KCNQ5: variants seen among roughly 807,000 people sequenced by gnomAD.
KCNQ5 encodes the protein potassium voltage-gated channel subfamily KQT member 5.
In KCNQ5, 30 loss-of-function variants were observed where a neutral mutation model predicts 98.2. The ratio of observed to expected loss-of-function variants is 0.31; its 90% CI spans 0.23 to 0.41. The LOEUF (loss-of-function observed/expected upper bound fraction) is 0.41. Among genes scored for constraint, KCNQ5 ranks in the 10% least tolerant of loss-of-function variants. KCNQ5 has a pLI of 1.00. For synonymous variants in KCNQ5, 458 were observed against 449.4 expected (o/e 1.02, Z -0.24); for missense variants, 835 against 1,182.5 (o/e 0.71, Z 4.31).
intron 1 of KCNQ5, chr6:72,986,658 A>G: frequency 1.2e-6 from 1 of 808,806 alleles, no homozygotes; most frequent in Non-Finnish European, 2.1e-6. Flanking sequence ...AATCCCAGGA[A>G]GCAGGTGCTT....
intron 1 of KCNQ5, among the ~76,000 whole-genome samples, chr6:72,741,586 C>A (rs1771132581): frequency 6.6e-6 from 1 of 152,090 alleles, no homozygotes; most frequent in South Asian, 2.1e-4. Context: ...TATTCAGGTG[C>A]TTCTGGTCCA....
At chr6:72,981,254 G>A (rs557499266) in intron 1 of KCNQ5, among the ~76,000 whole-genome samples, 20 of 152,130 alleles carry the variant, frequency 1.3e-4, no homozygotes, top group East Asian at 9.7e-4. Flanking sequence ...TCTTTGTACC[G>A]CTGGTAGAAT....
At chr6:72,857,958 A>C (rs1225986150) in intron 1 of KCNQ5, among the ~76,000 whole-genome samples, 1 of 152,240 alleles carries the variant, frequency 6.6e-6, no homozygotes, top group African/African-American at 2.4e-5. Context: ...CAAAATGCAC[A>C]AATAACTCTG....
intron 1 of KCNQ5, among the ~76,000 whole-genome samples, chr6:72,713,946 C>T (rs561237859): frequency 6.6e-6 from 1 of 152,268 alleles, no homozygotes; most frequent in African/African-American, 2.4e-5. Flanking sequence ...CACTTCCATC[C>T]GGAGTTATGC....
chr6:72,767,326 C>T (rs1207059866), intron 1 of KCNQ5, among the ~76,000 whole-genome samples: 1 of 151,844 alleles, frequency 6.6e-6, no homozygotes, highest in Non-Finnish European at 1.5e-5. Context: ...ACATTATACA[C>T]AAAAATTAAG....
At chr6:72,642,659 G>A (rs1299484017) in intron 1 of KCNQ5, among the ~76,000 whole-genome samples, 2 of 152,158 alleles carry the variant, frequency 1.3e-5, no homozygotes, top group Admixed American at 6.5e-5. Context: ...ACCTGTTGGT[G>A]GGAGTGTAAA....
At chr6:72,779,131 T>C (rs943997926) in intron 1 of KCNQ5, among the ~76,000 whole-genome samples, 1 of 152,080 alleles carries the variant, frequency 6.6e-6, no homozygotes, top group Non-Finnish European at 1.5e-5. Flanking sequence ...TGGGAGACTC[T>C]TGATCTTGTC....
chr6:73,151,822 C>A (rs1777162937), intron 10 of KCNQ5, among the ~76,000 whole-genome samples: 1 of 152,112 alleles, frequency 6.6e-6, no homozygotes, highest in African/African-American at 2.4e-5. Flanking sequence ...TTTTGTCTTT[C>A]TTGATTCACT....
At position 73,164,289 on chromosome 6, in the gene KCNQ5, G is replaced by GA. The variant is rs202077330; in HGVS notation, c.1469-5448dup. On this transcript the variant is annotated intron_variant, in intron 10 of 13. Coordinates refer to ENST00000370398, the MANE Select transcript of KCNQ5 (RefSeq NM_019842.4). ...GCTCATTTTTGTAGCTTTGAAGCAA[G>GA]AAAAAAAAATTCCCTAATTCACTCC... 2.1e-3 allele frequency among the ~76,000 whole-genome samples: 315 copies of GA among 151,308 alleles called. 2 individuals carry two copies. The highest frequency in any genetic ancestry group is 7.5e-3 in the African/African-American group (311 of 41,310).
At chr6:72,719,102 A>G (rs1769814206) in intron 1 of KCNQ5, among the ~76,000 whole-genome samples, 1 of 152,206 alleles carries the variant, frequency 6.6e-6, no homozygotes. Context: ...GATAAGATAT[A>G]ATTCTACTTC....
intron 1 of KCNQ5, among the ~76,000 whole-genome samples, chr6:72,770,227 A>G (rs1772791674): frequency 6.6e-6 from 1 of 152,172 alleles, no homozygotes; most frequent in South Asian, 2.1e-4. Flanking sequence ...TAATCCAAAA[A>G]TGAGAGCAAT....
intron 1 of KCNQ5, among the ~76,000 whole-genome samples, chr6:72,999,949 C>T (rs1419246613): frequency 6.6e-6 from 1 of 152,072 alleles, no homozygotes; most frequent in Non-Finnish European, 1.5e-5. Context: ...CCATGGTTAG[C>T]GAAAGATAAA....
chr6:73,157,990 G>T, intron 10 of KCNQ5: 1 of 747,806 alleles, frequency 1.3e-6, no homozygotes, highest in East Asian at 2.5e-5. Flanking sequence ...TTGAACGGCC[G>T]GAAGATCAAG....
intron 1 of KCNQ5, among the ~76,000 whole-genome samples, chr6:72,786,183 A>C (rs557878302): frequency 3.6e-4 from 55 of 152,318 alleles, no homozygotes; most frequent in Non-Finnish European, 6.9e-4. Flanking sequence ...ATTTTAACAT[A>C]GCACACCTCA....
chr6:72,752,349 C>A (rs543444403), intron 1 of KCNQ5, among the ~76,000 whole-genome samples: 8 of 152,114 alleles, frequency 5.3e-5, no homozygotes, highest in African/African-American at 1.9e-4. Flanking sequence ...GGAAAAACAA[C>A]CTCAGACATT....
chr6:73,011,466 T>C (rs1770058515), intron 2 of KCNQ5, among the ~76,000 whole-genome samples: 1 of 152,044 alleles, frequency 6.6e-6, no homozygotes, highest in Non-Finnish European at 1.5e-5. Flanking sequence ...CCTAAGACAA[T>C]ACACAAAAAT....
At chr6:72,658,580 T>TATATATATATA (rs35213829) in intron 1 of KCNQ5, among the ~76,000 whole-genome samples, 55 of 64,808 alleles carry the variant, frequency 8.5e-4, no homozygotes, top group African/African-American at 3.7e-3. Context: ...ATATATATAT[T>TATATATATATA]TTTTTTTTTT....
chr6:72,869,915 G>A (rs936896698), intron 1 of KCNQ5, among the ~76,000 whole-genome samples: 3 of 152,146 alleles, frequency 2.0e-5, no homozygotes, highest in Non-Finnish European at 2.9e-5. Flanking sequence ...AAAGAACTTG[G>A]TATTTAAAGA....
intron 1 of KCNQ5, among the ~76,000 whole-genome samples, chr6:72,633,756 T>A (rs1052272115): frequency 3.3e-5 from 5 of 152,134 alleles, no homozygotes; most frequent in Non-Finnish European, 5.9e-5. Flanking sequence ...TGATCTTCAA[T>A]AAGGCCAACA....
Sources: gnomAD v4.1 joint callset for allele counts (sites outside exome capture counted in the v4.1 genomes callset) on GRCh38, gnomAD v4.1.1 for gene constraint, MANE v1.5 for transcripts, NCBI Gene and HGNC (gene_info 2026-07-23, HGNC 2026-07-21) for gene names.